DOP1B: variants seen among roughly 807,000 people sequenced by gnomAD.
DOP1B encodes DOP1 leucine zipper like protein B.
DOP1B carries 174 observed loss-of-function variants against 233.5 expected under a neutral mutation model. The ratio of observed to expected loss-of-function variants is 0.75; its 90% confidence interval spans 0.66 to 0.85. The LOEUF (loss-of-function observed/expected upper bound fraction) is 0.85, where lower values mean the gene tolerates loss of function less well. DOP1B is among the 40% of genes least tolerant of loss of function. The pLI is 0.00. For missense variants in DOP1B, 2,652 were observed against 2,846.6 expected (o/e 0.93, Z 1.56); for synonymous variants, 1,190 against 1,185.6 (o/e 1.00, Z -0.08).
rs181278286 is a variant in DOP1B, at chr21:36,172,708, T to C, written c.138+7837T>C. On this transcript the variant is annotated intron_variant, in intron 2 of 36. Coordinates refer to ENST00000691173, the MANE Select transcript of DOP1B (RefSeq NM_001320714.2). ...CCTCAGCCTGGAGCTCTTGCACCAC[T>C]GCACTCCATCCTGGGTGACAGAGTG... 8.5e-5 allele frequency among the ~76,000 whole-genome samples: 13 copies of C among 152,182 alleles called. No homozygotes were observed. The East Asian group carries it at 2.5e-3, about 29-fold the overall frequency.
At chr21:36,283,407 G>A (rs1292126316) in intron 32 of DOP1B, among the ~76,000 whole-genome samples, 1 of 130,864 alleles carries the variant, frequency 7.6e-6, no homozygotes, top group Non-Finnish European at 1.7e-5. Flanking sequence ...TTAGTTCAAA[G>A]CATTAACAGC....
At chr21:36,191,759 C>G (rs961138122) in intron 2 of DOP1B, among the ~76,000 whole-genome samples, 1 of 150,690 alleles carries the variant, frequency 6.6e-6, no homozygotes, top group African/African-American at 2.4e-5. Flanking sequence ...GCACTCCAGC[C>G]TGGCAACAGA....
At chr21:36,275,814 T>A (rs1488411029) in intron 27 of DOP1B, among the ~76,000 whole-genome samples, 1 of 152,080 alleles carries the variant, frequency 6.6e-6, no homozygotes, top group Non-Finnish European at 1.5e-5. Flanking sequence ...TACCCAGCAG[T>A]GCATTCTTCT....
rs551575744 is a variant in DOP1B at position 36,259,465 on chromosome 21, G to A, written c.5260-1212G>A. On this transcript the variant is annotated intron_variant, in intron 23 of 36. Transcript: ENST00000691173. ...TTTTTGTATTTTTAGTAGAGATGGG[G>A]TTTTGCCATGTTGGCCACGCTGGTC... 2.6e-5 allele frequency among the ~76,000 whole-genome samples: 4 copies of A among 151,946 alleles called. No homozygotes were observed. In the East Asian group the frequency reaches 5.8e-4, roughly 22 times the overall value.
chr21:36,173,546 C>T (rs183457311), intron 2 of DOP1B, among the ~76,000 whole-genome samples: 39 of 152,036 alleles, frequency 2.6e-4, no homozygotes, highest in Non-Finnish European at 3.5e-4. Flanking sequence ...CTCAGCCTCC[C>T]GAGTAGCTGG....
At chr21:36,255,574 A>G (rs912044839) in intron 23 of DOP1B, among the ~76,000 whole-genome samples, 1 of 151,824 alleles carries the variant, frequency 6.6e-6, no homozygotes, top group African/African-American at 2.4e-5. Context: ...CTGAGACCAC[A>G]CATGCACACC....
At chr21:36,173,773 TC>T (rs2065994937) in intron 2 of DOP1B, among the ~76,000 whole-genome samples, 1 of 152,086 alleles carries the variant, frequency 6.6e-6, no homozygotes, top group Non-Finnish European at 1.5e-5. Context: ...ACCCAGGTGC[TC>T]TACCAAGCCT....
intron 18 of DOP1B, among the ~76,000 whole-genome samples, chr21:36,240,483 AATAC>A (rs2066881187): frequency 6.6e-6 from 1 of 152,176 alleles, no homozygotes; most frequent in Non-Finnish European, 1.5e-5. Context: ...GTCATTCATA[AATAC>A]ATAAATAAAT....
rs191092025 is a variant in DOP1B, at chr21:36,195,733, A to G, written c.139-3337A>G. ...AAATGAGTGGTTGTGGTTCCTTGCAATTGCGTTCATATGAAAAGAGATCTA... is the reference window on the plus strand; with the variant it reads ...AAATGAGTGGTTGTGGTTCCTTGCAGTTGCGTTCATATGAAAAGAGATCTA... On this transcript the variant is annotated intron_variant, in intron 2 of 36. Coordinates refer to ENST00000691173, the MANE Select transcript of DOP1B (RefSeq NM_001320714.2). Among the ~76,000 whole-genome samples, 4 of 152,350 alleles carry G rather than the reference A, an allele frequency of 2.6e-5. No individual in the cohort carries two copies. The East Asian group carries it at 5.8e-4, about 22-fold the overall frequency.
intron 28 of DOP1B, 42 bp downstream of exon 28, chr21:36,277,142 G>T: frequency 6.3e-7 from 1 of 1,593,122 alleles, no homozygotes. Context: ...GGAAATGAGC[G>T]CCATCACGAA....
At chr21:36,165,342 G>A (rs1006242442) in intron 2 of DOP1B, among the ~76,000 whole-genome samples, 7 of 151,964 alleles carry the variant, frequency 4.6e-5, no homozygotes, top group African/African-American at 1.7e-4. Flanking sequence ...CTGCTGTCTG[G>A]TAACTCCTAG....
At chr21:36,264,147 G>A (rs572932256) in intron 26 of DOP1B, among the ~76,000 whole-genome samples, 1 of 152,216 alleles carries the variant, frequency 6.6e-6, no homozygotes, top group African/African-American at 2.4e-5. Flanking sequence ...CCCCCCAGAC[G>A]CGGTGGCGCA....
Position 36,246,352 on chromosome 21 carries a change from G to A in DOP1B, c.4372G>A (p.Ala1458Thr). 8 of 1,613,708 alleles carry A rather than the reference G, an allele frequency of 5.0e-6. No homozygotes were observed. Among genetic ancestry groups the A allele is most frequent in the Non-Finnish European group, 6.8e-6 (8 of 1,179,936 alleles). Reference sequence around the variant, plus strand: ...TGTCTTGGAACACCACCTGGGTCGGGCCCATGAGGAGGCGGAAAACCAGCC... The same window carrying A: ...TGTCTTGGAACACCACCTGGGTCGGACCCATGAGGAGGCGGAAAACCAGCC... ...LIVLEHHLGR[A>T]HEEAENQPDL... The change falls in exon 19 of 37, where the codon GCC (alanine) becomes ACC (threonine). Residue 1458 changes from alanine to threonine, a missense_variant. Transcript: ENST00000691173. This position sits in a 1 kb window ranked among gnomAD's most constrained non-coding sequence, Gnocchi z 5.1.
In DOP1B at chr21:36,277,534, G is replaced by A. The variant is rs2067366282; in HGVS notation, c.5712+434G>A. On this transcript the variant is annotated intron_variant, in intron 28 of 36. Coordinates refer to ENST00000691173, the MANE Select transcript of DOP1B (RefSeq NM_001320714.2). ...CTGACCTCGTGATCCACCCACCTTGGCCTCCCAAAGAGCTGGGATTACAGG... is the reference window on the plus strand; with the variant it reads ...CTGACCTCGTGATCCACCCACCTTGACCTCCCAAAGAGCTGGGATTACAGG... Among the ~76,000 whole-genome samples, 3 of 152,032 alleles carry A rather than the reference G, an allele frequency of 2.0e-5. No homozygotes were observed. The South Asian group carries it at 6.2e-4, about 32-fold the overall frequency.
chr21:36,290,705 G>A (rs1379667413), intron 35 of DOP1B, among the ~76,000 whole-genome samples: 9 of 151,708 alleles, frequency 5.9e-5, no homozygotes, highest in Non-Finnish European at 8.8e-5. Flanking sequence ...CAGGAGAATC[G>A]CTTGAACCTG....
At chr21:36,230,310 A>G (rs2066745000) in intron 13 of DOP1B, 140 bp from the exon 14 acceptor site, 8 of 1,108,576 alleles carry the variant, frequency 7.2e-6, no homozygotes, top group African/African-American at 1.6e-5. Context: ...AAATTTCATT[A>G]TACACTTAAC....
At chr21:36,214,414 C>G in intron 8 of DOP1B, 28 bp from the exon 9 acceptor site, 1 of 1,593,748 alleles carries the variant, frequency 6.3e-7, no homozygotes. Flanking sequence ...ATACGATATT[C>G]TAATATGTGG....
At chr21:36,285,833 C>A (rs2067475953) in intron 32 of DOP1B, among the ~76,000 whole-genome samples, 1 of 151,984 alleles carries the variant, frequency 6.6e-6, no homozygotes, top group Non-Finnish European at 1.5e-5. Context: ...ATGGTGAAAC[C>A]CCACCTCTAC....
chr21:36,232,145 C>T lies in DOP1B; in HGVS notation c.2351-659C>T, dbSNP rs111256116. Among the ~76,000 whole-genome samples the T allele has an allele frequency of 3.3e-3, 501 of 151,608 alleles. 5 individuals are homozygous for T. The highest frequency in any genetic ancestry group is 0.031 in the Middle Eastern group (9 of 292). On this transcript the variant is annotated intron_variant, in intron 14 of 36. Coordinates refer to ENST00000691173, the MANE Select transcript of DOP1B (RefSeq NM_001320714.2). ...AGGCGTGAGCCACTGCACCTGGCCC[C>T]CTAATTTTCATATTTTTAGTAGAGA... is the stretch of plus-strand genomic sequence containing the variant.
Sources: allele counts gnomAD v4.1 joint callset (sites outside exome capture counted in the v4.1 genomes callset), GRCh38; gene constraint gnomAD v4.1.1; non-coding constraint Gnocchi (gnomAD v3.1); transcripts MANE v1.5; gene names NCBI Gene and HGNC (gene_info 2026-07-23, HGNC 2026-07-21).